XKR6: variants seen among roughly 807,000 people sequenced by gnomAD.
The protein encoded by XKR6 is XK-related protein 6.
Under a neutral mutation model 56.7 loss-of-function variants are expected in XKR6, and 22 were observed. That is an observed-to-expected ratio of 0.39 (90% CI 0.28 to 0.55). The LOEUF (loss-of-function observed/expected upper bound fraction) is 0.55, where lower values mean the gene tolerates loss of function less well. Among genes scored for constraint, XKR6 ranks in the 20% least tolerant of loss-of-function variants. The probability of loss-of-function intolerance (pLI) is 0.66; values close to 1 mark genes in which losing one functional copy is unlikely to be tolerated. For missense variants in XKR6, 852 were observed against 889.0 expected (o/e 0.96, Z 0.53); for synonymous variants, 524 against 387.8 (o/e 1.35, Z -4.13).
intron 2 of XKR6, among the ~76,000 whole-genome samples, chr8:10,903,293 G>A (rs1021769463): frequency 6.6e-6 from 1 of 152,132 alleles, no homozygotes; most frequent in African/African-American, 2.4e-5. Context: ...TTCCTCAGAG[G>A]GCCATCAGCG....
At chr8:11,144,513 C>T (rs116678068) in intron 1 of XKR6, among the ~76,000 whole-genome samples, 1 of 151,826 alleles carries the variant, frequency 6.6e-6, no homozygotes, top group Non-Finnish European at 1.5e-5. Flanking sequence ...GAGACCAGGG[C>T]GCAGGCACAG....
At chr8:11,037,856 TCAA>T (rs1799185106) in intron 1 of XKR6, among the ~76,000 whole-genome samples, 1 of 110,114 alleles carries the variant, frequency 9.1e-6, no homozygotes, top group African/African-American at 5.4e-5. Flanking sequence ...AGACTTGGTT[TCAA>T]AAAAAAAAAA....
At chr8:11,143,508 T>C (rs1800813869) in intron 1 of XKR6, among the ~76,000 whole-genome samples, 2 of 152,152 alleles carry the variant, frequency 1.3e-5, no homozygotes, top group African/African-American at 4.8e-5. Flanking sequence ...AGAAACAACA[T>C]TAAATAGCTG....
At chr8:11,124,565 A>G (rs1799660754) in intron 1 of XKR6, 1 of 156,302 alleles carries the variant, frequency 6.4e-6, no homozygotes, top group South Asian at 1.9e-4. Context: ...CAATTATAAA[A>G]GCCTAACTGT....
chr8:11,002,111 C>T (rs1243959128), intron 1 of XKR6, among the ~76,000 whole-genome samples: 1 of 151,932 alleles, frequency 6.6e-6, no homozygotes, highest in African/African-American at 2.4e-5. Context: ...CAGGTCCCTG[C>T]CAAGAAAGTG....
At chr8:11,083,782 C>T (rs1797801873) in intron 1 of XKR6, among the ~76,000 whole-genome samples, 2 of 152,148 alleles carry the variant, frequency 1.3e-5, no homozygotes. Flanking sequence ...CAAAAGCACA[C>T]CACCATATCA....
intron 2 of XKR6, among the ~76,000 whole-genome samples, chr8:10,924,129 C>T (rs1800803903): frequency 6.6e-6 from 1 of 152,232 alleles, no homozygotes; most frequent in African/African-American, 2.4e-5. Flanking sequence ...CCTGCTGGAA[C>T]TTGAACAGAG....
intron 1 of XKR6, among the ~76,000 whole-genome samples, chr8:10,925,671 A>T (rs532433050): frequency 1.3e-5 from 2 of 152,288 alleles, no homozygotes; most frequent in East Asian, 3.9e-4. Context: ...GGGATCTTGA[A>T]CTAGTTATTC....
intron 1 of XKR6, among the ~76,000 whole-genome samples, chr8:10,963,200 C>T (rs1271617793): frequency 6.6e-6 from 1 of 152,234 alleles, no homozygotes; most frequent in African/African-American, 2.4e-5. Context: ...CCACAAACTC[C>T]TGCTCATGTG....
At chr8:11,045,301 T>C (rs1467277845) in intron 1 of XKR6, among the ~76,000 whole-genome samples, 1 of 151,946 alleles carries the variant, frequency 6.6e-6, no homozygotes, top group Non-Finnish European at 1.5e-5. Flanking sequence ...TTGACTAGGC[T>C]GGTCTCGAAC....
chr8:11,158,194 G>A (rs1291053380), intron 1 of XKR6, among the ~76,000 whole-genome samples: 2 of 152,154 alleles, frequency 1.3e-5, no homozygotes, highest in East Asian at 1.9e-4. Flanking sequence ...ATAATGACAG[G>A]GGAAATACAG....
At chr8:10,983,428 A>T (rs1007966181) in intron 1 of XKR6, among the ~76,000 whole-genome samples, 1 of 152,124 alleles carries the variant, frequency 6.6e-6, no homozygotes, top group African/African-American at 2.4e-5. Flanking sequence ...AATGAAATTA[A>T]TTATCTTATA....
At chr8:10,907,006 C>T (rs532948371) in intron 2 of XKR6, among the ~76,000 whole-genome samples, 1 of 151,992 alleles carries the variant, frequency 6.6e-6, no homozygotes, top group Non-Finnish European at 1.5e-5. Context: ...AGGGATCACA[C>T]CACTGCACTC....
intron 1 of XKR6, among the ~76,000 whole-genome samples, chr8:11,094,813 C>A (rs1257409786): frequency 6.6e-6 from 1 of 152,154 alleles, no homozygotes; most frequent in African/African-American, 2.4e-5. Context: ...AAAGCCCAGG[C>A]CTGCCTGCAC....
chr8:10,984,730 C>CTATATA (rs1292575640), intron 1 of XKR6, among the ~76,000 whole-genome samples: 118 of 63,640 alleles, frequency 1.9e-3, no homozygotes, highest in African/African-American at 6.5e-3. Flanking sequence ...CTCTCTCTCT[C>CTATATA]TCTATATATA....
At chr8:11,008,418 C>CTTTTTTTTT (rs35571220) in intron 1 of XKR6, among the ~76,000 whole-genome samples, 2 of 104,142 alleles carry the variant, frequency 1.9e-5, no homozygotes, top group African/African-American at 7.9e-5. Flanking sequence ...GCTCCCCAGG[C>CTTTTTTTTT]TTTTTTTTTT....
At chr8:11,056,070 G>A (rs911320812) in intron 1 of XKR6, among the ~76,000 whole-genome samples, 1 of 152,128 alleles carries the variant, frequency 6.6e-6, no homozygotes, top group African/African-American at 2.4e-5. Flanking sequence ...CCTGCTGGAT[G>A]CCCCATAGGA....
At chr8:11,178,939 C>G (rs899682988) in intron 1 of XKR6, among the ~76,000 whole-genome samples, 4 of 151,346 alleles carry the variant, frequency 2.6e-5, no homozygotes, top group African/African-American at 9.7e-5. Flanking sequence ...GTCTCCCAAG[C>G]TCAAATAATC....
intron 1 of XKR6, among the ~76,000 whole-genome samples, chr8:11,031,252 G>T (rs1305275418): frequency 6.6e-6 from 1 of 152,248 alleles, no homozygotes; most frequent in Non-Finnish European, 1.5e-5. Flanking sequence ...GCAAGAACGT[G>T]AGAGCATGAG....
Sources: gnomAD v4.1 joint callset for allele counts (sites outside exome capture counted in the v4.1 genomes callset) on GRCh38, gnomAD v4.1.1 for gene constraint, MANE v1.5 for transcripts, NCBI Gene and HGNC (gene_info 2026-07-23, HGNC 2026-07-21) for gene names.